The following KAT6B variants were observed in gnomAD, a reference collection of about 807,000 sequenced individuals.
The protein encoded by KAT6B is histone acetyltransferase KAT6B.
In KAT6B, 10 loss-of-function variants were observed where a neutral mutation model predicts 187.5. The observed-to-expected ratio is 0.05, with a 90% confidence interval of 0.03 to 0.09. KAT6B has a LOEUF of 0.09. Among genes scored for constraint, KAT6B ranks in the 10% least tolerant of loss-of-function variants. The pLI, the probability that KAT6B is intolerant of heterozygous loss-of-function variation, is 1.00. For missense variants in KAT6B, 1,952 were observed against 2,558.9 expected (o/e 0.76, Z 5.12); for synonymous variants, 861 against 926.8 (o/e 0.93, Z 1.29).
chr10:74,838,526 A>G (rs1841482817), intron 1 of KAT6B, among the ~76,000 whole-genome samples, 157 bp from the exon 2 acceptor site: 2 of 152,188 alleles, frequency 1.3e-5, no homozygotes, highest in Non-Finnish European at 2.9e-5. Flanking sequence ...ATTTATAAGA[A>G]TCCTTCAGTG....
intron 3 of KAT6B, among the ~76,000 whole-genome samples, chr10:74,924,944 A>G (rs1323314416): frequency 6.6e-6 from 1 of 152,064 alleles, no homozygotes; most frequent in Non-Finnish European, 1.5e-5. Flanking sequence ...GGAATAAACT[A>G]ATTCTTAACA....
chr10:74,903,321 C>T (rs1023586102), intron 3 of KAT6B, among the ~76,000 whole-genome samples: 1 of 152,190 alleles, frequency 6.6e-6, no homozygotes, highest in African/African-American at 2.4e-5. Flanking sequence ...GATTCTACTA[C>T]CTTGCTTGGC....
chr10:74,948,816 G>A (rs2133376234), intron 3 of KAT6B, among the ~76,000 whole-genome samples: 1 of 152,304 alleles, frequency 6.6e-6, no homozygotes, highest in Non-Finnish European at 1.5e-5. Context: ...AAGTCATAGA[G>A]ATGAATTACA....
chr10:74,835,943 T>G (rs898000097), intron 1 of KAT6B, among the ~76,000 whole-genome samples: 1 of 152,246 alleles, frequency 6.6e-6, no homozygotes, highest in African/African-American at 2.4e-5. Context: ...ACATTTTTAT[T>G]GATCCCAAAT....
At chr10:74,969,851 G>T in intron 5 of KAT6B, 76 bp downstream of exon 5, 1 of 1,139,794 alleles carries the variant, frequency 8.8e-7, no homozygotes, top group South Asian at 1.3e-5. Flanking sequence ...TTTTTATAGA[G>T]TATGGCTACT....
intron 3 of KAT6B, among the ~76,000 whole-genome samples, chr10:74,937,481 CTATT>C (rs1849351492): frequency 6.6e-6 from 1 of 152,126 alleles, no homozygotes; most frequent in African/African-American, 2.4e-5. Context: ...TTATAATGAT[CTATT>C]TATTTATCCA....
At chr10:74,931,738 C>T (rs570114211) in intron 3 of KAT6B, among the ~76,000 whole-genome samples, 160 of 152,180 alleles carry the variant, frequency 1.1e-3, no homozygotes, top group Middle Eastern at 6.8e-3. Flanking sequence ...TGTGTGTTTG[C>T]GGGATTCTGT....
chr10:74,890,945 G>C (rs1845609525), intron 3 of KAT6B, among the ~76,000 whole-genome samples: 1 of 151,972 alleles, frequency 6.6e-6, no homozygotes, highest in African/African-American at 2.4e-5. Context: ...TTTACTCTCT[G>C]CCTTCCAGCA....
At chr10:75,012,391 G>A (rs144034467) in intron 13 of KAT6B, among the ~76,000 whole-genome samples, 2 of 152,262 alleles carry the variant, frequency 1.3e-5, no homozygotes, top group African/African-American at 4.8e-5. Context: ...AGGCTGCAGT[G>A]AACCAAGATC....
chr10:74,892,997 C>G (rs761929379), intron 3 of KAT6B, among the ~76,000 whole-genome samples: 2 of 152,218 alleles, frequency 1.3e-5, no homozygotes, highest in Non-Finnish European at 2.9e-5. Context: ...GACAGCTGGC[C>G]TGAGTCTTTT....
At chr10:75,008,844 A>G (rs985097691) in intron 13 of KAT6B, among the ~76,000 whole-genome samples, 3 of 152,206 alleles carry the variant, frequency 2.0e-5, no homozygotes, top group African/African-American at 7.2e-5. Context: ...TTACTTTGAA[A>G]TACCTCCCTG....
At chr10:74,981,459 C>A (rs1008691243) in intron 10 of KAT6B, among the ~76,000 whole-genome samples, 1 of 152,108 alleles carries the variant, frequency 6.6e-6, no homozygotes, top group Non-Finnish European at 1.5e-5. Context: ...CTGCAACCTC[C>A]GCCTCATGGG....
At chr10:74,874,218 T>C (rs551305896) in intron 3 of KAT6B, among the ~76,000 whole-genome samples, 3 of 152,238 alleles carry the variant, frequency 2.0e-5, no homozygotes, top group Non-Finnish European at 4.4e-5. Context: ...AAGGAACTTA[T>C]GTTATCACAG....
At chr10:74,830,720 G>T (rs1840692781) in intron 1 of KAT6B, among the ~76,000 whole-genome samples, 2 of 92,902 alleles carry the variant, frequency 2.2e-5, no homozygotes, top group African/African-American at 8.0e-5. Flanking sequence ...TAATCAGATT[G>T]CACAGCTCTT....
chr10:75,001,049 TC>T (rs1233922136), intron 13 of KAT6B, among the ~76,000 whole-genome samples: 6 of 151,934 alleles, frequency 3.9e-5, no homozygotes, highest in Non-Finnish European at 7.4e-5. Context: ...GATACTCCCC[TC>T]CACCCCTGCC....
At chr10:74,957,026 T>G (rs61248364) in intron 3 of KAT6B, among the ~76,000 whole-genome samples, 12,066 of 152,238 alleles carry the variant, frequency 0.079, 615 homozygotes, top group South Asian at 0.26. Context: ...TGTAGTAGAT[T>G]TGTATAGAAT....
Position 75,031,564 on chromosome 10 carries a change from G to A in KAT6B, c.*518G>A, listed in dbSNP as rs1846319669. 4.5e-6 allele frequency: 1 copy of A among 223,132 alleles called. No homozygotes were observed. Among genetic ancestry groups the A allele is most frequent in the African/African-American group, 2.2e-5 (1 of 44,608 alleles). The allele number at this position is 223,132 out of a possible 1,614,324, so 13.8% of individuals were successfully genotyped here. ...TGTACAAGTGTTGTGCTAACAGTAA[G>A]CCATTTCTTAAGTTTTTTGCCTTGA... On this transcript the variant is annotated 3_prime_UTR_variant, in exon 18 of 18. Coordinates refer to ENST00000287239, the MANE Select transcript of KAT6B (RefSeq NM_012330.4).
intron 3 of KAT6B, among the ~76,000 whole-genome samples, chr10:74,954,025 A>T (rs1304786357): frequency 6.6e-6 from 1 of 152,230 alleles, no homozygotes; most frequent in East Asian, 1.9e-4. Flanking sequence ...AAAAATTAGA[A>T]CTGGGAAAGT....
chr10:75,028,570 C>T lies in KAT6B; in HGVS notation c.3746C>T (p.Pro1249Leu), dbSNP rs1846049642. The T allele has an allele frequency of 6.2e-7, 1 of 1,614,028 alleles. No individual in the cohort carries two copies. Among genetic ancestry groups the T allele is most frequent in the Non-Finnish European group, 8.5e-7 (1 of 1,180,028 alleles). ...PEPLKCKQVW[P>L]KGTKRGLSKW... is the part of the protein sequence containing the mutation. The stretch of plus-strand genomic sequence containing the variant: ...CCTCTAAAGTGCAAACAAGTGTGGC[C>T]AAAAGGAACAAAGCGCGGTCTATCT... Residue 1249 changes from proline (P) to leucine (L), a missense_variant, in exon 18 of 18, where the codon CCA becomes CTA. Pro to Leu is a moderately conservative substitution (Grantham distance 98). Transcript: ENST00000287239.
Sources: gnomAD v4.1 joint callset for allele counts (sites outside exome capture counted in the v4.1 genomes callset) on GRCh38, gnomAD v4.1.1 for gene constraint, MANE v1.5 for transcripts, NCBI Gene and HGNC (gene_info 2026-07-23, HGNC 2026-07-21) for gene names.